The following CARS2 variants were observed in gnomAD, a reference collection of about 807,000 sequenced individuals.
CARS2 encodes the protein cysteinyl-tRNA synthetase 2, mitochondrial, also known as probable cysteine--tRNA ligase, mitochondrial.
Under a neutral mutation model 68.8 loss-of-function variants are expected in CARS2, and 52 were observed. The observed-to-expected ratio is 0.76, with a 90% CI of 0.61 to 0.95. CARS2 has a LOEUF of 0.95. CARS2 is among the 40% of genes least tolerant of loss of function. The pLI is 0.00. For missense variants in CARS2, 780 were observed against 754.2 expected (o/e 1.03, Z -0.40); for synonymous variants, 314 against 303.6 (o/e 1.03, Z -0.36).
At chr13:110,644,524 T>C in intron 12 of CARS2, 41 bp from the exon 13 acceptor site, 2 of 1,610,014 alleles carry the variant, frequency 1.2e-6, no homozygotes, top group Non-Finnish European at 1.7e-6. Flanking sequence ...AAAAGCAGTC[T>C]TGATGGCAGT....
intron 9 of CARS2, among the ~76,000 whole-genome samples, chr13:110,652,876 G>T (rs2062256005): frequency 6.6e-6 from 1 of 152,164 alleles, no homozygotes; most frequent in Non-Finnish European, 1.5e-5. Context: ...ACCGAAATGG[G>T]TATTTCCTTC....
At chr13:110,709,111 C>T (rs1388455613), upstream of CARS2, among the ~76,000 whole-genome samples, 1 of 145,552 alleles carries the variant, frequency 6.9e-6, no homozygotes, top group East Asian at 2.1e-4. Context: ...TGGAGTTTCA[C>T]TCTTGTTGCC....
chr13:110,711,447 C>T (rs1424227710), upstream of CARS2, among the ~76,000 whole-genome samples: 2 of 152,258 alleles, frequency 1.3e-5, no homozygotes, highest in East Asian at 1.9e-4. Context: ...CTCCTGATCT[C>T]AGGCAATTCG....
intron 9 of CARS2, among the ~76,000 whole-genome samples, chr13:110,659,873 C>T (rs9588223): frequency 0.19 from 28,526 of 152,088 alleles, 2,975 homozygotes; most frequent in Admixed American, 0.3. Context: ...TTTCTTAAAA[C>T]AAGACAATAA....
chr13:110,703,971 C>G (rs1434810940), intron 2 of CARS2, among the ~76,000 whole-genome samples: 4 of 152,230 alleles, frequency 2.6e-5, no homozygotes, highest in Non-Finnish European at 5.9e-5. Context: ...GGTTAATGCC[C>G]TCATAGAAGA....
upstream of CARS2, among the ~76,000 whole-genome samples, chr13:110,710,976 T>C (rs1475316007): frequency 1.3e-5 from 2 of 152,198 alleles, no homozygotes; most frequent in Non-Finnish European, 2.9e-5. Context: ...AACTCCATCT[T>C]ATCTTTGTAA....
At chr13:110,698,769 C>T (rs754366516) in intron 3 of CARS2, among the ~76,000 whole-genome samples, 1 of 151,752 alleles carries the variant, frequency 6.6e-6, no homozygotes, top group African/African-American at 2.4e-5. Flanking sequence ...TTTGGGAGGC[C>T]GAGGCAGGAG....
chr13:110,644,739 C>T (rs1378609208), intron 12 of CARS2: 14 of 471,472 alleles, frequency 3.0e-5, no homozygotes, highest in Admixed American at 7.0e-5. Flanking sequence ...TCAGGCTTCG[C>T]GGGTGAAGCA....
intron 3 of CARS2, among the ~76,000 whole-genome samples, chr13:110,700,304 G>A (rs573192958): frequency 6.6e-6 from 1 of 152,194 alleles, no homozygotes; most frequent in African/African-American, 2.4e-5. Context: ...AGAAAGAGGC[G>A]CTCGGGGACA....
At chr13:110,712,899 C>T in intron 1 of CARS2, 3 of 1,511,410 alleles carry the variant, frequency 2.0e-6, no homozygotes, top group Middle Eastern at 1.7e-4. Flanking sequence ...GGAGACGACA[C>T]AAAGGGAGGG....
intron 7 of CARS2, among the ~76,000 whole-genome samples, chr13:110,669,410 C>G (rs4771705): frequency 1.3e-5 from 2 of 151,910 alleles, no homozygotes; most frequent in Admixed American, 1.3e-4. Flanking sequence ...CCACAGGTTT[C>G]GAGGTGACTG....
chr13:110,647,115 C>T lies in CARS2; in HGVS notation c.1179G>A (p.Ala393=), dbSNP rs545957777. The change falls in exon 11 of 15, where the codon GCG becomes GCA. Residue 393 remains alanine, a synonymous_variant. Transcript: ENST00000257347. The stretch of plus-strand genomic sequence containing the variant: ...GGGCCTCTTACCTCTCCCACAGCAT[C>T]GCTTCCCTGACGGAGCCGCAGGCCA... ...GQLACGSVRE[A]MLWERLSSTK... 15 of 1,592,600 alleles carry T rather than the reference C, an allele frequency of 9.4e-6. No individual in the cohort carries two copies. The East Asian group carries it at 1.6e-4, about 17-fold the overall frequency.
At chr13:110,678,532 C>T (rs973095152) in intron 6 of CARS2, among the ~76,000 whole-genome samples, 2 of 152,192 alleles carry the variant, frequency 1.3e-5, no homozygotes, top group African/African-American at 4.8e-5. Flanking sequence ...GCTACGTTTT[C>T]ATTACTAGTC....
intron 3 of CARS2, among the ~76,000 whole-genome samples, chr13:110,692,519 T>A (rs2139884298): frequency 1.3e-5 from 2 of 150,574 alleles, no homozygotes; most frequent in East Asian, 3.9e-4. Flanking sequence ...ATAGGGCTAG[T>A]CCCTCTCAAT....
At position 110,677,099 on chromosome 13, in the gene CARS2, G is replaced by A. The variant is rs762160669; in HGVS notation, c.660C>T (p.Asp220=). The A allele has an allele frequency of 3.7e-6, 6 of 1,604,672 alleles. No individual in the cohort carries two copies. The highest frequency in any genetic ancestry group is 1.7e-5 in the Admixed American group (1 of 59,412). Residue 220 remains aspartate (D), a synonymous_variant, in exon 7 of 15, where the codon GAC becomes GAT. Coordinates refer to ENST00000257347, the MANE Select transcript of CARS2 (RefSeq NM_024537.4). ...VVPGPVGEPA[D]SDKRHASDFA... is the part of the protein sequence containing the mutation. ...AGTCACTGGCATGACGCTTGTCAGA[G>A]TCCGCTGCAGATGACAAACGGTACA...
In CARS2 at chr13:110,706,015, G is replaced by A. The variant is rs935204345; in HGVS notation, c.79C>T (p.His27Tyr). 2.1e-6 allele frequency: 3 copies of A among 1,442,050 alleles called. No individual in the cohort carries two copies. Among genetic ancestry groups the A allele is most frequent in the Non-Finnish European group, 2.7e-6 (3 of 1,102,678 alleles). 89.3% of individuals were successfully genotyped at this position (1,442,050 alleles called of 1,614,324 possible). The change falls in exon 1 of 15, where the codon CAC (histidine) becomes TAC (tyrosine). Residue 27 changes from histidine to tyrosine, a missense_variant. Coordinates refer to ENST00000257347, the MANE Select transcript of CARS2 (RefSeq NM_024537.4). Reference protein sequence around the residue: ...AALGLGRAGWHWPAGRAASGG... With the variant: ...AALGLGRAGWYWPAGRAASGG... The stretch of plus-strand genomic sequence containing the variant: ...CTCGCCGCCCGGCCCGCAGGCCAGT[G>A]CCACCCAGCCCGCCCAAGGCCCAGC...
At chr13:110,689,957 G>A (rs1289243600) in intron 3 of CARS2, among the ~76,000 whole-genome samples, 2 of 152,212 alleles carry the variant, frequency 1.3e-5, no homozygotes, top group Non-Finnish European at 2.9e-5. Flanking sequence ...GGCCGGGCGC[G>A]GTGGCTCACG....
intron 12 of CARS2, 42 bp downstream of exon 12, chr13:110,645,925 C>T (rs777038198): frequency 6.2e-7 from 1 of 1,600,306 alleles, no homozygotes; most frequent in Non-Finnish European, 8.5e-7. Context: ...CGACCCATGC[C>T]CCTGGCAGCA....
intron 7 of CARS2, among the ~76,000 whole-genome samples, chr13:110,669,107 A>G (rs2062731398): frequency 6.6e-6 from 1 of 152,110 alleles, no homozygotes. Flanking sequence ...TTGAGGTCTG[A>G]GGAATGACGG....
Sources: gnomAD v4.1 joint callset for allele counts (sites outside exome capture counted in the v4.1 genomes callset) on GRCh38, gnomAD v4.1.1 for gene constraint, MANE v1.5 for transcripts, NCBI Gene and HGNC (gene_info 2026-07-23, HGNC 2026-07-21) for gene names.